Variants in UNC13C observed in about 807,000 individuals in gnomAD.
UNC13C encodes unc-13 homolog C.
UNC13C carries 174 observed loss-of-function variants against 245.4 expected under a neutral mutation model. That is an observed-to-expected ratio of 0.71 (90% CI 0.63 to 0.80). The LOEUF is 0.80. Among genes scored for constraint, UNC13C ranks in the 30% least tolerant of loss-of-function variants. The probability of loss-of-function intolerance (pLI) is 0.00; values close to 1 mark genes in which losing one functional copy is unlikely to be tolerated. For synonymous variants in UNC13C, 992 were observed against 895.1 expected (o/e 1.11, Z -1.93); for missense variants, 2,829 against 2,602.9 (o/e 1.09, Z -1.89).
At chr15:54,357,991 A>C (rs963919899) in intron 17 of UNC13C, among the ~76,000 whole-genome samples, 1 of 151,974 alleles carries the variant, frequency 6.6e-6, no homozygotes, top group Non-Finnish European at 1.5e-5. Context: ...ATATCTATTA[A>C]CTCTTTTTAT....
rs543030470 is a variant in UNC13C, at chr15:54,223,838, A to G, written c.3072-11192A>G. Among the ~76,000 whole-genome samples, 3 of 152,010 alleles carry G rather than the reference A, an allele frequency of 2.0e-5. No individual in the cohort carries two copies. In the South Asian group the frequency reaches 6.2e-4, roughly 32 times the overall value. ...GCATCAATGTTTTGTAGTTTTCATT[A>G]TAAAGATCTTTCACTTATTTGATTA... On this transcript the variant is annotated intron_variant, in intron 4 of 32. Coordinates refer to ENST00000260323, the MANE Select transcript of UNC13C (RefSeq NM_001080534.3).
chr15:53,980,017 TA>T (rs1431138961), intron 1 of UNC13C, among the ~76,000 whole-genome samples: 15 of 152,312 alleles, frequency 9.8e-5, no homozygotes, highest in Middle Eastern at 3.4e-3. Context: ...AATAGATTTT[TA>T]GTGTTAACAC....
At chr15:54,174,209 T>C (rs571005869) in intron 4 of UNC13C, among the ~76,000 whole-genome samples, 17 of 152,284 alleles carry the variant, frequency 1.1e-4, no homozygotes, top group African/African-American at 3.8e-4. Flanking sequence ...GGTCCTGCTG[T>C]CCTCATTAAA....
At chr15:54,478,859 G>A (rs1409586994) in intron 19 of UNC13C, among the ~76,000 whole-genome samples, 2 of 152,008 alleles carry the variant, frequency 1.3e-5, no homozygotes, top group Non-Finnish European at 2.9e-5. Flanking sequence ...CAATTCCTGA[G>A]TATCCTTGTT....
At chr15:53,851,862 G>A in the UNC13C span, among the ~76,000 whole-genome samples, 7 of 152,206 alleles carry the variant, frequency 4.6e-5, no homozygotes, top group African/African-American at 1.7e-4. Flanking sequence ...TGGTGCGTCT[G>A]GGGAGGACAA....
Position 54,099,004 on chromosome 15 carries a change from T to C in UNC13C, c.2984-44014T>C, listed in dbSNP as rs530690606. Among the ~76,000 whole-genome samples the C allele has an allele frequency of 7.9e-5, 12 of 152,366 alleles. No individual in the cohort carries two copies. In the South Asian group the frequency reaches 2.5e-3, roughly 32 times the overall value. On this transcript the variant is annotated intron_variant, in intron 2 of 32. Transcript: ENST00000260323. The stretch of plus-strand genomic sequence containing the variant: ...CTGCGGCTTGCAATGTGTTGCCTTA[T>C]GTATTTTATCTACCAAATAATTCTC...
chr15:53,998,091 C>G (rs1381339257), intron 1 of UNC13C, among the ~76,000 whole-genome samples: 1 of 152,154 alleles, frequency 6.6e-6, no homozygotes, highest in African/African-American at 2.4e-5. Flanking sequence ...GTATGAGCCA[C>G]CACTCCTGGC....
rs1392721069 is a variant in UNC13C, at chr15:54,284,526, T to A, written c.3819-9369T>A. Among the ~76,000 whole-genome samples, 3 of 152,020 alleles carry A rather than the reference T, an allele frequency of 2.0e-5. No individual in the cohort carries two copies. In the South Asian group the frequency reaches 6.2e-4, roughly 32 times the overall value. Reference sequence around the variant, plus strand: ...CAGAGGAGTAGGGAAAAGACATCCTTAATGAGGAAAAACATGAATACAGGG... The same window carrying A: ...CAGAGGAGTAGGGAAAAGACATCCTAAATGAGGAAAAACATGAATACAGGG... On this transcript the variant is annotated intron_variant, in intron 10 of 32. Coordinates refer to ENST00000260323, the MANE Select transcript of UNC13C (RefSeq NM_001080534.3).
intron 30 of UNC13C, among the ~76,000 whole-genome samples, chr15:54,571,565 C>T (rs542158939): frequency 3.9e-5 from 6 of 152,318 alleles, no homozygotes; most frequent in Admixed American, 2.0e-4. Context: ...ATACCAAATA[C>T]CCATGAATAG....
chr15:54,211,309 A>G (rs12900052), intron 4 of UNC13C, among the ~76,000 whole-genome samples: 23,177 of 152,154 alleles, frequency 0.15, 2,212 homozygotes, highest in Non-Finnish European at 0.2. Flanking sequence ...GCAATCAAAG[A>G]TAGAGATAAA....
chr15:54,482,766 A>G (rs898119983), intron 19 of UNC13C, among the ~76,000 whole-genome samples: 1 of 148,448 alleles, frequency 6.7e-6, no homozygotes, highest in South Asian at 2.2e-4. Flanking sequence ...TATATTGCCA[A>G]TTTTTCCCTA....
At chr15:54,412,323 T>C (rs1462153863) in intron 18 of UNC13C, among the ~76,000 whole-genome samples, 1 of 152,128 alleles carries the variant, frequency 6.6e-6, no homozygotes, top group Non-Finnish European at 1.5e-5. Context: ...GGTTGAAGGC[T>C]GAGGGGAAGC....
intron 2 of UNC13C, among the ~76,000 whole-genome samples, chr15:54,021,179 T>G (rs1013727586): frequency 1.3e-5 from 2 of 152,208 alleles, no homozygotes; most frequent in African/African-American, 4.8e-5. Flanking sequence ...ACATATTTTT[T>G]TTTTAGTGAG....
the UNC13C span, among the ~76,000 whole-genome samples, chr15:53,922,683 C>A: frequency 1.3e-5 from 2 of 152,142 alleles, no homozygotes; most frequent in Non-Finnish European, 2.9e-5. Flanking sequence ...TTACAGAGGA[C>A]GTCGCTAACC....
chr15:53,867,134 G>A, the UNC13C span, among the ~76,000 whole-genome samples: 1 of 152,180 alleles, frequency 6.6e-6, no homozygotes, highest in African/African-American at 2.4e-5. Context: ...TCATATTTCA[G>A]TGAGAAACAA....
intron 2 of UNC13C, among the ~76,000 whole-genome samples, chr15:54,132,616 A>G (rs2031497058): frequency 6.6e-6 from 1 of 152,334 alleles, no homozygotes; most frequent in South Asian, 2.1e-4. Context: ...TATCTAGCAT[A>G]CAGTAGGTAC....
chr15:54,136,511 T>C (rs1418392752), intron 2 of UNC13C, among the ~76,000 whole-genome samples: 2 of 152,138 alleles, frequency 1.3e-5, no homozygotes, highest in East Asian at 1.9e-4. Context: ...TACTTCTTCA[T>C]TTTTTTATTT....
rs563730642 is a variant in UNC13C, at chr15:54,552,621, TTA to T, written c.5878-2805_5878-2804del. Among the ~76,000 whole-genome samples, 377 of 80,820 alleles carry T rather than the reference TTA, an allele frequency of 4.7e-3. 8 individuals are homozygous for T. The highest frequency in any genetic ancestry group is 6.7e-3 in the African/African-American group (109 of 16,232). The allele number at this position is 80,820 out of a possible 152,430, so 53.0% of individuals were successfully genotyped here. On this transcript the variant is annotated intron_variant, in intron 28 of 32. Transcript: ENST00000260323. Reference sequence around the variant, plus strand: ...TATAATATATAATTATATAATTATATTATATATTGTACAATATAATATAATTA... The same window carrying T: ...TATAATATATAATTATATAATTATATTATATTGTACAATATAATATAATTA...
At chr15:54,252,106 G>C (rs76386645) in intron 8 of UNC13C, among the ~76,000 whole-genome samples, 3 of 152,094 alleles carry the variant, frequency 2.0e-5, no homozygotes, top group African/African-American at 7.2e-5. Context: ...AGTGAATTGC[G>C]TATAGGCATC....
Sources: gnomAD v4.1 joint callset for allele counts (sites outside exome capture counted in the v4.1 genomes callset) on GRCh38, gnomAD v4.1.1 for gene constraint, MANE v1.5 for transcripts, NCBI Gene and HGNC (gene_info 2026-07-23, HGNC 2026-07-21) for gene names.